ZNF423: variants seen among roughly 807,000 people sequenced by gnomAD.
ZNF423 encodes zinc finger protein 423.
ZNF423 carries 12 observed loss-of-function variants against 95.8 expected under a neutral mutation model. The ratio of observed to expected loss-of-function variants is 0.13; its 90% CI spans 0.08 to 0.20. The LOEUF (loss-of-function observed/expected upper bound fraction) is 0.20. Ranked by LOEUF, ZNF423 falls within the 10% of genes least tolerant of loss-of-function variation. The pLI is 1.00. For missense variants in ZNF423, 1,316 were observed against 1,737.1 expected, an observed-to-expected ratio of 0.76 and a Z score of 4.31; for synonymous variants, 749 against 711.9, an observed-to-expected ratio of 1.05 and a Z score of -0.83.
At chr16:49,619,836 T>A (rs1460917977) in intron 5 of ZNF423, among the ~76,000 whole-genome samples, 2 of 152,156 alleles carry the variant, frequency 1.3e-5, no homozygotes, top group African/African-American at 4.8e-5. Flanking sequence ...CTTTTTCTTT[T>A]CATGTTCATG....
At chr16:49,614,680 T>G (rs1971820339) in intron 5 of ZNF423, among the ~76,000 whole-genome samples, 1 of 152,232 alleles carries the variant, frequency 6.6e-6, no homozygotes, top group Non-Finnish European at 1.5e-5. Context: ...ACTCTAGTTT[T>G]GCAAGATGTT....
At chr16:49,595,734 T>C (rs573322188) in intron 5 of ZNF423, among the ~76,000 whole-genome samples, 1 of 152,320 alleles carries the variant, frequency 6.6e-6, no homozygotes, top group South Asian at 2.1e-4. Context: ...AAATATCAAT[T>C]GTCTTTTTAA....
chr16:49,651,306 A>G (rs367917067), intron 3 of ZNF423, among the ~76,000 whole-genome samples: 1 of 151,892 alleles, frequency 6.6e-6, no homozygotes, highest in Non-Finnish European at 1.5e-5. Flanking sequence ...GATTACAGTC[A>G]TAAGCCACCA....
intron 3 of ZNF423, among the ~76,000 whole-genome samples, chr16:49,697,010 C>T (rs894000357): frequency 4.6e-5 from 7 of 152,182 alleles, no homozygotes; most frequent in East Asian, 1.9e-4. Flanking sequence ...AGGGAATCGC[C>T]GGAGGGTTGA....
At chr16:49,677,287 A>AAGGGAAGGGAAGGGAAGG in intron 3 of ZNF423, among the ~76,000 whole-genome samples, 23 of 82,396 alleles carry the variant, frequency 2.8e-4, no homozygotes, top group South Asian at 6.7e-4. Context: ...AGAAGAGAAG[A>AAGGGAAGGGAAGGGAAGG]GAAGAGAAGA....
chr16:49,508,347 C>G (rs1157869916), intron 7 of ZNF423, among the ~76,000 whole-genome samples: 1 of 151,856 alleles, frequency 6.6e-6, no homozygotes, highest in African/African-American at 2.4e-5. Context: ...ATAGTGAACC[C>G]TATCTTTACA....
chr16:49,824,197 C>G (rs1274255217), intron 1 of ZNF423, among the ~76,000 whole-genome samples: 1 of 152,102 alleles, frequency 6.6e-6, no homozygotes, highest in Non-Finnish European at 1.5e-5. Context: ...TTCTAAGCTA[C>G]CCAAGAGACT....
chr16:49,677,307 AGAAAGGAGGGGAAGG>A (rs2031131773), intron 3 of ZNF423, among the ~76,000 whole-genome samples: 3 of 69,842 alleles, frequency 4.3e-5, no homozygotes, highest in African/African-American at 4.7e-5. Context: ...AGAAGAGAAG[AGAAAGGAGGGGAAGG>A]GAGGGGAGGG....
At chr16:49,625,978 G>C (rs556732585) in intron 5 of ZNF423, among the ~76,000 whole-genome samples, 192 bp downstream of exon 5, 7 of 152,188 alleles carry the variant, frequency 4.6e-5, no homozygotes, top group Non-Finnish European at 8.8e-5. Flanking sequence ...AATGTGAGTG[G>C]AGCTGCGACA....
chr16:49,548,606 C>T (rs1055786577), intron 5 of ZNF423, among the ~76,000 whole-genome samples: 3 of 152,114 alleles, frequency 2.0e-5, no homozygotes, highest in Admixed American at 6.5e-5. Context: ...TGGCCATCTG[C>T]ACCTCGGGAG....
At chr16:49,779,035 G>A (rs1242449711) in intron 2 of ZNF423, among the ~76,000 whole-genome samples, 1 of 152,090 alleles carries the variant, frequency 6.6e-6, no homozygotes, top group African/African-American at 2.4e-5. Flanking sequence ...CCCAGATTTT[G>A]CTCTAAACAA....
At chr16:49,796,143 G>T (rs2034495631) in intron 1 of ZNF423, among the ~76,000 whole-genome samples, 1 of 152,078 alleles carries the variant, frequency 6.6e-6, no homozygotes, top group Non-Finnish European at 1.5e-5. Flanking sequence ...GGAGTATAGA[G>T]CTCCCCCTAA....
At chr16:49,587,949 A>T (rs1480158808) in intron 5 of ZNF423, among the ~76,000 whole-genome samples, 1 of 152,072 alleles carries the variant, frequency 6.6e-6, no homozygotes, top group Non-Finnish European at 1.5e-5. Flanking sequence ...CGCACACATA[A>T]CCAGGACAGG....
chr16:49,783,629 AG>A (rs1392247933), intron 2 of ZNF423, among the ~76,000 whole-genome samples: 8 of 35,930 alleles, frequency 2.2e-4, no homozygotes, highest in African/African-American at 3.5e-4. Flanking sequence ...GGCGGGAGAG[AG>A]GGGGGGTTAG....
intron 5 of ZNF423, among the ~76,000 whole-genome samples, chr16:49,542,054 G>A (rs1969267784): frequency 6.6e-6 from 1 of 152,166 alleles, no homozygotes; most frequent in Non-Finnish European, 1.5e-5. Flanking sequence ...TAATGACTAG[G>A]CCTAGGTCTC....
intron 5 of ZNF423, among the ~76,000 whole-genome samples, chr16:49,602,057 G>A (rs1395751932): frequency 6.6e-6 from 1 of 152,180 alleles, no homozygotes; most frequent in Admixed American, 6.5e-5. Context: ...TTATTGTTTG[G>A]GTGTCATTAC....
chr16:49,531,475 A>T (rs1458973212), intron 5 of ZNF423, among the ~76,000 whole-genome samples: 1 of 152,028 alleles, frequency 6.6e-6, no homozygotes, highest in Admixed American at 6.5e-5. Context: ...CACCATCCCC[A>T]TAGATAACCA....
At chr16:49,826,936 G>A (rs1300302199) in intron 1 of ZNF423, 1 of 152,156 alleles carries the variant, frequency 6.6e-6, no homozygotes, top group Non-Finnish European at 1.5e-5. Context: ...ATAAAATGAG[G>A]ATGCCTGAAA....
chr16:49,709,054 AC>A (rs1263157085), intron 3 of ZNF423, among the ~76,000 whole-genome samples: 2 of 151,790 alleles, frequency 1.3e-5, no homozygotes, highest in African/African-American at 4.8e-5. Flanking sequence ...TTTACAAGAC[AC>A]CTACTATGTA....
Sources: gnomAD v4.1 joint callset for allele counts (sites outside exome capture counted in the v4.1 genomes callset) on GRCh38, gnomAD v4.1.1 for gene constraint, MANE v1.5 for transcripts, NCBI Gene and HGNC (gene_info 2026-07-23, HGNC 2026-07-21) for gene names.